The following FAM114A1 variants were observed in gnomAD, a reference collection of about 807,000 sequenced individuals.
FAM114A1 encodes the protein protein NOXP20.
In FAM114A1, 62 loss-of-function variants were observed where a neutral mutation model predicts 64.3. The ratio of observed to expected loss-of-function variants is 0.96; its 90% CI spans 0.79 to 1.19. The LOEUF is 1.19. Ranked by LOEUF, FAM114A1 falls within the 50% of genes most tolerant of loss-of-function variation. The pLI, the probability that FAM114A1 is intolerant of heterozygous loss-of-function variation, is 0.00. For missense variants in FAM114A1, 645 were observed against 676.3 expected (o/e 0.95, Z 0.51); for synonymous variants, 254 against 251.1 (o/e 1.01, Z -0.11).
At position 38,891,674 on chromosome 4, in the gene FAM114A1, A is replaced by T. The variant is rs16994884; in HGVS notation, c.349-69A>T. On this transcript the variant is annotated intron_variant, in intron 3 of 14. Transcript: ENST00000358869. The stretch of plus-strand genomic sequence containing the variant: ...TTTCCAAACCTCCTCTTTGTTTCAA[A>T]CCAATAGGTGTTTTTCCATTCAGAG... The T allele has an allele frequency of 5.0e-3, 6,788 of 1,356,900 alleles. 141 individuals carry two copies. The highest frequency in any genetic ancestry group is 0.048 in the African/African-American group (3,328 of 68,652). The allele number at this position is 1,356,900 out of a possible 1,614,324, so 84.1% of individuals were successfully genotyped here.
At chr4:38,876,771 TTCTAGAG>T (rs1248106460) in intron 2 of FAM114A1, among the ~76,000 whole-genome samples, 3 of 152,244 alleles carry the variant, frequency 2.0e-5, no homozygotes, top group African/African-American at 7.2e-5. Context: ...GCCTGATTCC[TTCTAGAG>T]TCTTTGAGGG....
chr4:38,910,499 G>A (rs947126686), intron 7 of FAM114A1, among the ~76,000 whole-genome samples: 1 of 152,168 alleles, frequency 6.6e-6, no homozygotes, highest in African/African-American at 2.4e-5. Context: ...CTCACAGAGA[G>A]GGGATGTGGA....
chr4:38,931,302 G>A (rs890779221), intron 10 of FAM114A1, 149 bp from the exon 11 acceptor site: 4 of 791,400 alleles, frequency 5.1e-6, no homozygotes, highest in East Asian at 2.9e-5. Context: ...TATCTTTTTC[G>A]GGGGTTGAAA....
rs368340617 is a variant in FAM114A1, at chr4:38,868,121, A to G, written c.-157-277A>G. The G allele has an allele frequency of 5.3e-4, 139 of 260,718 alleles. 1 individual carries two copies. Among genetic ancestry groups the G allele is most frequent in the Admixed American group, 2.3e-3 (56 of 24,828 alleles). The allele number at this position is 260,718 out of a possible 1,614,324, so 16.2% of individuals were successfully genotyped here. On this transcript the variant is annotated intron_variant, in intron 1 of 14. Transcript: ENST00000358869. The stretch of plus-strand genomic sequence containing the variant: ...CTCATGCACACACCCACACGCCCAC[A>G]CTCAGGGTCTGCCCCCTCGGCCTGC...
intron 3 of FAM114A1, among the ~76,000 whole-genome samples, chr4:38,891,058 C>T (rs565589166): frequency 6.6e-6 from 1 of 152,308 alleles, no homozygotes; most frequent in Non-Finnish European, 1.5e-5. Flanking sequence ...AACTTCTGTT[C>T]ATGCACACAG....
intron 8 of FAM114A1, among the ~76,000 whole-genome samples, chr4:38,918,042 C>T (rs1361837237): frequency 1.3e-5 from 2 of 151,558 alleles, no homozygotes; most frequent in Non-Finnish European, 2.9e-5. Context: ...CATGATGAAA[C>T]CCCGTCTCTA....
Position 38,935,718 on chromosome 4 carries a change from A to G in FAM114A1, c.1464A>G (p.Lys488=), listed in dbSNP as rs377270002. 3 of 1,578,894 alleles carry G rather than the reference A, an allele frequency of 1.9e-6. No homozygotes were observed. The African/African-American group carries it at 4.1e-5, about 22-fold the overall frequency. ...PAQDQAKVLI[K]LTTAMCNEVA... The stretch of plus-strand genomic sequence containing the variant: ...AGCTTTTTTTTTTTTCTTCTTTCAG[A>G]TTAACTACTGCAATGTGCAATGAAG... The change falls in exon 13 of 15, where the codon AAA becomes AAG. Residue 488 remains lysine, a splice_region_variant and synonymous_variant. Transcript: ENST00000358869.
At chr4:38,936,321 C>T (rs1721092397) in intron 13 of FAM114A1, among the ~76,000 whole-genome samples, 1 of 151,822 alleles carries the variant, frequency 6.6e-6, no homozygotes, top group South Asian at 2.1e-4. Flanking sequence ...GTTTCGATCT[C>T]CTGACCTCGT....
chr4:38,869,307 TA>T (rs1713782738), intron 2 of FAM114A1, among the ~76,000 whole-genome samples: 1 of 152,084 alleles, frequency 6.6e-6, no homozygotes, highest in African/African-American at 2.4e-5. Context: ...GAATGAAAGG[TA>T]ACATTAGACA....
At chr4:38,870,907 C>G (rs1244454077) in intron 2 of FAM114A1, among the ~76,000 whole-genome samples, 1 of 152,100 alleles carries the variant, frequency 6.6e-6, no homozygotes, top group African/African-American at 2.4e-5. Context: ...TTTCCCCCAT[C>G]ATGATAGCAT....
At chr4:38,884,927 A>G (rs1357337786) in intron 3 of FAM114A1, among the ~76,000 whole-genome samples, 1 of 152,186 alleles carries the variant, frequency 6.6e-6, no homozygotes. Context: ...GGAGCAGAAA[A>G]TATACTTAAC....
intron 13 of FAM114A1, among the ~76,000 whole-genome samples, chr4:38,940,139 C>T (rs543427405): frequency 1.3e-5 from 2 of 152,282 alleles, no homozygotes; most frequent in South Asian, 2.1e-4. Context: ...GATCCACTCA[C>T]CTCGGCCTCT....
At chr4:38,906,010 A>G (rs1312729435) in intron 6 of FAM114A1, 149 bp downstream of exon 6, 3 of 648,740 alleles carry the variant, frequency 4.6e-6, no homozygotes, top group Non-Finnish European at 7.6e-6. Flanking sequence ...GTTTTCTGCT[A>G]CAAAGTAGAC....
chr4:38,894,599 G>C (rs1716734616), intron 4 of FAM114A1, among the ~76,000 whole-genome samples: 1 of 152,216 alleles, frequency 6.6e-6, no homozygotes, highest in African/African-American at 2.4e-5. Context: ...GCAAAGATCA[G>C]ATTACAAAAG....
chr4:38,885,689 A>G (rs927228133), intron 3 of FAM114A1, among the ~76,000 whole-genome samples: 8 of 152,164 alleles, frequency 5.3e-5, no homozygotes, highest in African/African-American at 1.9e-4. Context: ...AGGTGTGGTA[A>G]TTGGTAAAGC....
chr4:38,907,952 G>A (rs1024830956), intron 6 of FAM114A1, among the ~76,000 whole-genome samples: 3 of 152,144 alleles, frequency 2.0e-5, no homozygotes, highest in African/African-American at 7.2e-5. Context: ...AAAGGGATTT[G>A]CAGGAGGATA....
chr4:38,895,935 CGTT>C lies in FAM114A1; in HGVS notation c.436+4107_436+4109del, dbSNP rs1031982721. 9.2e-5 allele frequency among the ~76,000 whole-genome samples: 14 copies of C among 152,190 alleles called. No homozygotes were observed. In the South Asian group the frequency reaches 1.7e-3, roughly 18 times the overall value. ...GACCACTGTCATAGATGTGGCCCGT[CGTT>C]GACCGTAAGTTTGTCATGTGGTGCA... On this transcript the variant is annotated intron_variant, in intron 4 of 14. Coordinates refer to ENST00000358869, the MANE Select transcript of FAM114A1 (RefSeq NM_138389.4).
chr4:38,908,624 G>A lies in FAM114A1; in HGVS notation c.690G>A (p.Ala230=), dbSNP rs201593708. Residue 230 remains alanine (A), a synonymous_variant, in exon 7 of 15, where the codon GCG becomes GCA. Coordinates refer to ENST00000358869, the MANE Select transcript of FAM114A1 (RefSeq NM_138389.4). ...GTGTCTTAACTGGAGGCCTTGATGCGTTGGAATTCATCGGCAAGAAAACCA... is the reference window on the plus strand; with the variant it reads ...GTGTCTTAACTGGAGGCCTTGATGCATTGGAATTCATCGGCAAGAAAACCA... ...GKSVLTGGLD[A]LEFIGKKTMN... is the part of the protein sequence containing the mutation. 3.8e-5 allele frequency: 62 copies of A among 1,613,162 alleles called. No individual in the cohort carries two copies. The highest frequency in any genetic ancestry group is 3.8e-4 in the East Asian group (17 of 44,894).
chr4:38,900,469 C>T (rs1468926826), intron 4 of FAM114A1, among the ~76,000 whole-genome samples: 1 of 152,092 alleles, frequency 6.6e-6, no homozygotes. Context: ...GCATTATTCA[C>T]AATAGCTAAA....
Sources: allele counts gnomAD v4.1 joint callset (sites outside exome capture counted in the v4.1 genomes callset), GRCh38; gene constraint gnomAD v4.1.1; transcripts MANE v1.5; gene names NCBI Gene and HGNC (gene_info 2026-07-23, HGNC 2026-07-21).